The following OPA1 variants were observed in gnomAD, a reference collection of about 807,000 sequenced individuals.
The protein encoded by OPA1 is dynamin-like GTPase OPA1, mitochondrial.
OPA1 carries 59 observed loss-of-function variants against 152.9 expected under a neutral mutation model. The observed-to-expected ratio is 0.39, with a 90% CI of 0.31 to 0.48. The LOEUF (loss-of-function observed/expected upper bound fraction) is 0.48. Ranked by LOEUF, OPA1 falls within the 20% of genes least tolerant of loss-of-function variation. The pLI, the probability that OPA1 is intolerant of heterozygous loss-of-function variation, is 0.96. For synonymous variants in OPA1, 400 were observed against 389.9 expected, an observed-to-expected ratio of 1.03 and a Z score of -0.31; for missense variants, 1,008 against 1,216.8, an observed-to-expected ratio of 0.83 and a Z score of 2.55.
chr3:193,639,605 G>A (rs969823543), intron 11 of OPA1, among the ~76,000 whole-genome samples: 3 of 152,226 alleles, frequency 2.0e-5, no homozygotes, highest in Non-Finnish European at 4.4e-5. Flanking sequence ...GACATTAGAG[G>A]AATAATGAAG....
chr3:193,611,022 C>T (rs559511222), intron 1 of OPA1, among the ~76,000 whole-genome samples: 3 of 152,086 alleles, frequency 2.0e-5, no homozygotes, highest in Admixed American at 6.5e-5. Flanking sequence ...GGCTCATGCT[C>T]GGTGCGCTGC....
chr3:193,616,597 T>C (rs1455500944), intron 3 of OPA1, among the ~76,000 whole-genome samples: 1 of 152,250 alleles, frequency 6.6e-6, no homozygotes, highest in Non-Finnish European at 1.5e-5. Context: ...CCAAGTTCTT[T>C]AAAAGTCTGT....
intron 29 of OPA1, among the ~76,000 whole-genome samples, chr3:193,670,416 C>T (rs1278856839): frequency 1.3e-5 from 2 of 148,186 alleles, no homozygotes; most frequent in East Asian, 2.0e-4. Context: ...GATGGAGTCT[C>T]GCTGTGTCGC....
Position 193,635,536 on chromosome 3 carries a change from G to C in OPA1, c.948+14G>C, listed in dbSNP as rs1405765771. 2.0e-6 allele frequency: 3 copies of C among 1,504,248 alleles called. No individual in the cohort carries two copies. The highest frequency in any genetic ancestry group is 2.2e-5 in the South Asian group (2 of 88,930). The allele number at this position is 1,504,248 out of a possible 1,614,324, so 93.2% of individuals were successfully genotyped here. On this transcript the variant is annotated intron_variant, in intron 9 of 30. Coordinates refer to ENST00000361510, the MANE Select transcript of OPA1 (RefSeq NM_130837.3). ...AGAAAGCTTAAGGTATTCTAAGTTT[G>C]TCTTGTTTATTCTCAAAATTTTACC... is the stretch of plus-strand genomic sequence containing the variant.
At chr3:193,648,161 G>C (rs1306388029) in intron 20 of OPA1, 27 bp downstream of exon 20, 11 of 1,513,066 alleles carry the variant, frequency 7.3e-6, no homozygotes, top group Non-Finnish European at 1.0e-5. Flanking sequence ...CGTGTATTTT[G>C]TATATATCTT....
intron 29 of OPA1, among the ~76,000 whole-genome samples, chr3:193,682,769 C>A (rs780984758): frequency 6.6e-6 from 1 of 152,122 alleles, no homozygotes; most frequent in Non-Finnish European, 1.5e-5. Context: ...AGTTTTCTTT[C>A]AAAATATTAC....
rs1416974672 is a variant in OPA1 at position 193,642,845 on chromosome 3, T to C, written c.1230T>C (p.Asp410=). 8.1e-6 allele frequency: 13 copies of C among 1,609,756 alleles called. No individual in the cohort carries two copies. The highest frequency in any genetic ancestry group is 1.1e-5 in the Non-Finnish European group (13 of 1,176,078). Residue 410 remains aspartate (D), a splice_region_variant and synonymous_variant, in exon 12 of 31, where the codon GAT becomes GAC. Coordinates refer to ENST00000361510, the MANE Select transcript of OPA1 (RefSeq NM_130837.3). ...AGTTTGATCTTACCAAAGAAGAAGATGTAAGTAAAATTCATCTAAGGTTGA... is the reference window on the plus strand; with the variant it reads ...AGTTTGATCTTACCAAAGAAGAAGACGTAAGTAAAATTCATCTAAGGTTGA... ...SREFDLTKEE[D]LAALRHEIEL... is the part of the protein sequence containing the mutation.
At chr3:193,673,668 T>C (rs1273465133) in intron 29 of OPA1, among the ~76,000 whole-genome samples, 1 of 152,246 alleles carries the variant, frequency 6.6e-6, no homozygotes, top group East Asian at 1.9e-4. Context: ...TGAGGCTTTT[T>C]GTTGAGCTGG....
intron 1 of OPA1, among the ~76,000 whole-genome samples, chr3:193,597,400 C>T (rs573259134): frequency 1.5e-4 from 23 of 151,994 alleles, no homozygotes; most frequent in Non-Finnish European, 2.4e-4. Context: ...GTGATAGAAA[C>T]GGAAATCAGG....
At chr3:193,672,725 TG>T (rs1718199738) in intron 29 of OPA1, among the ~76,000 whole-genome samples, 3 of 151,922 alleles carry the variant, frequency 2.0e-5, no homozygotes, top group Admixed American at 2.0e-4. Context: ...GAAAATTAGC[TG>T]GGCATGGTGG....
chr3:193,599,247 C>T (rs113794685), intron 1 of OPA1, among the ~76,000 whole-genome samples: 4,751 of 151,984 alleles, frequency 0.031, 69 homozygotes, highest in African/African-American at 0.039. Flanking sequence ...CCATTGCCTA[C>T]GAAAAAAAGT....
chr3:193,665,883 G>A (rs183783011), intron 27 of OPA1, among the ~76,000 whole-genome samples: 13 of 152,232 alleles, frequency 8.5e-5, no homozygotes, highest in Non-Finnish European at 1.5e-4. Flanking sequence ...TTTTCACACA[G>A]CTGAATTTTA....
chr3:193,637,187 T>G lies in OPA1; in HGVS notation c.949-8T>G, dbSNP rs1733079348. The G allele has an allele frequency of 1.9e-6, 3 of 1,543,226 alleles. No homozygotes were observed. Among genetic ancestry groups the G allele is most frequent in the Non-Finnish European group, 2.7e-6 (3 of 1,125,890 alleles). ...GTTTTATATTATAACTTTTTAAAAT[T>G]TTTACAGAAATCTTTGATTGACATG... is the stretch of plus-strand genomic sequence containing the variant. On this transcript the variant is annotated splice_polypyrimidine_tract_variant and splice_region_variant and intron_variant, in intron 9 of 30. Coordinates refer to ENST00000361510, the MANE Select transcript of OPA1 (RefSeq NM_130837.3).
At chr3:193,663,942 T>C (rs1715916688) in intron 26 of OPA1, among the ~76,000 whole-genome samples, 2 of 152,148 alleles carry the variant, frequency 1.3e-5, no homozygotes, top group Non-Finnish European at 2.9e-5. Flanking sequence ...AACAATAAGT[T>C]ATATTCAGTT....
rs190192611 is a variant in OPA1, at chr3:193,603,888, C to T, written c.32+10479C>T. ...ACTATTTCTGATACTACACTCACAC[C>T]GTTGTGGTCTTCACCATCATCAGGC... On this transcript the variant is annotated intron_variant, in intron 1 of 30. Coordinates refer to ENST00000361510, the MANE Select transcript of OPA1 (RefSeq NM_130837.3). Among the ~76,000 whole-genome samples the T allele has an allele frequency of 3.3e-5, 5 of 152,136 alleles. No homozygotes were observed. In the South Asian group the frequency reaches 6.2e-4, roughly 19 times the overall value.
chr3:193,677,274 T>G (rs1273687646), intron 29 of OPA1, among the ~76,000 whole-genome samples: 3 of 149,984 alleles, frequency 2.0e-5, no homozygotes, highest in Non-Finnish European at 4.4e-5. Context: ...AGTGCACAAT[T>G]TTTTTTTCTT....
intron 11 of OPA1, among the ~76,000 whole-genome samples, chr3:193,639,642 C>T (rs1161923511): frequency 1.3e-5 from 2 of 152,158 alleles, no homozygotes; most frequent in Non-Finnish European, 1.5e-5. Flanking sequence ...TCAATAAGGC[C>T]TTATAGGCCA....
chr3:193,598,904 G>GGGTGA (rs1473816969), intron 1 of OPA1, among the ~76,000 whole-genome samples: 7 of 152,300 alleles, frequency 4.6e-5, no homozygotes, highest in African/African-American at 1.7e-4. Flanking sequence ...GTTGAAAGAA[G>GGGTGA]GGTGAGCTAA....
chr3:193,667,154 A>C lies in OPA1; in HGVS notation c.2873-16A>C. On this transcript the variant is annotated splice_polypyrimidine_tract_variant and intron_variant, in intron 28 of 30. Transcript: ENST00000361510. ...AAAAACGATGCTCCTCAGGTTTTTT[A>C]ACTTTCTTTAAACAGTTAGGCGATT... The C allele has an allele frequency of 7.8e-7, 1 of 1,276,534 alleles. No homozygotes were observed. The highest frequency in any genetic ancestry group is 1.1e-6 in the Non-Finnish European group (1 of 871,928). 79.1% of individuals were successfully genotyped at this position (1,276,534 alleles called of 1,614,324 possible).
Sources: allele counts gnomAD v4.1 joint callset (sites outside exome capture counted in the v4.1 genomes callset), GRCh38; gene constraint gnomAD v4.1.1; transcripts MANE v1.5; gene names NCBI Gene and HGNC (gene_info 2026-07-23, HGNC 2026-07-21).